Variants in HORMAD2 observed in about 807,000 individuals in gnomAD.
The protein encoded by HORMAD2 is HORMA domain-containing protein 2.
Under a neutral mutation model 38.8 loss-of-function variants are expected in HORMAD2, and 45 were observed. The ratio of observed to expected loss-of-function variants is 1.16; its 90% CI spans 0.91 to 1.49. The LOEUF (loss-of-function observed/expected upper bound fraction) is 1.49, where lower values mean the gene tolerates loss of function less well. Ranked by LOEUF, HORMAD2 falls within the 40% of genes most tolerant of loss-of-function variation. The pLI, the probability that HORMAD2 is intolerant of heterozygous loss-of-function variation, is 0.00. For missense variants in HORMAD2, 338 were observed against 367.0 expected, an observed-to-expected ratio of 0.92 and a Z score of 0.65; for synonymous variants, 126 against 122.8, an observed-to-expected ratio of 1.03 and a Z score of -0.17.
chr22:30,112,468 TA>T, intron 6 of HORMAD2, 27 bp from the exon 7 acceptor site: 1 of 1,285,304 alleles, frequency 7.8e-7, no homozygotes, highest in Non-Finnish European at 1.1e-6. Flanking sequence ...TTCCAGAAAT[TA>T]AATGATGTTT....
chr22:30,136,042 C>T lies in HORMAD2; in HGVS notation c.819+13828C>T, dbSNP rs564041742. ...TTTAAAACAGCTGTTATACCAAGTA[C>T]AATGATAGCCTATGTTTACACACAA... On this transcript the variant is annotated intron_variant, in intron 10 of 10. Coordinates refer to ENST00000336726, the MANE Select transcript of HORMAD2 (RefSeq NM_152510.4). Among the ~76,000 whole-genome samples, 7 of 152,214 alleles carry T rather than the reference C, an allele frequency of 4.6e-5. No individual in the cohort carries two copies. The South Asian group carries it at 1.4e-3, about 32-fold the overall frequency.
the HORMAD2 span, among the ~76,000 whole-genome samples, chr22:30,182,148 ACT>A: frequency 1.3e-5 from 2 of 152,186 alleles, no homozygotes; most frequent in Admixed American, 1.3e-4. Context: ...TAGCTGTATG[ACT>A]CTGTTCGACA....
chr22:30,124,829 A>G (rs754524978), intron 10 of HORMAD2, among the ~76,000 whole-genome samples: 4 of 152,166 alleles, frequency 2.6e-5, no homozygotes, highest in Non-Finnish European at 5.9e-5. Context: ...ATTTTCAACT[A>G]TATTAGGTAA....
chr22:30,140,622 G>A (rs1924008914), intron 10 of HORMAD2, among the ~76,000 whole-genome samples: 1 of 152,100 alleles, frequency 6.6e-6, no homozygotes, highest in Admixed American at 6.5e-5. Flanking sequence ...TGTAAGGTCA[G>A]CAGTAATATC....
Position 30,121,752 on chromosome 22 carries a change from T to G in HORMAD2, c.531T>G (p.Asn177Lys), listed in dbSNP as rs1227455073. The change falls in exon 9 of 11, where the codon AAT (asparagine) becomes AAG (lysine). Residue 177 changes from asparagine (N) to lysine (K), a missense_variant. Transcript: ENST00000336726. ...LMQDLEPLPN[N>K]VVLTMKLHYY... ...AGGACCTTGAGCCACTTCCTAATAATGTTGTACTTACTATGAAACTCCACT... is the reference window on the plus strand; with the variant it reads ...AGGACCTTGAGCCACTTCCTAATAAGGTTGTACTTACTATGAAACTCCACT... 1.9e-6 allele frequency: 3 copies of G among 1,612,498 alleles called. No individual in the cohort carries two copies. The highest frequency in any genetic ancestry group is 1.7e-5 in the Admixed American group (1 of 59,778).
rs1215958595 is a variant in HORMAD2 at position 30,176,427 on chromosome 22, A to G, written c.*260A>G. On this transcript the variant is annotated 3_prime_UTR_variant, in exon 11 of 11. Coordinates refer to ENST00000336726, the MANE Select transcript of HORMAD2 (RefSeq NM_152510.4). ...CTGGGTTAGAGATGAGGCACCTTTT[A>G]TATTATATTTGTAAAAGAACCACAG... 1 of 352,364 alleles carries G rather than the reference A, an allele frequency of 2.8e-6. No homozygotes were observed. The highest frequency in any genetic ancestry group is 2.1e-5 in the African/African-American group (1 of 47,182). The allele number at this position is 352,364 out of a possible 1,614,324, so 21.8% of individuals were successfully genotyped here.
At chr22:30,196,795 C>G in the HORMAD2 span, among the ~76,000 whole-genome samples, 1 of 152,114 alleles carries the variant, frequency 6.6e-6, no homozygotes, top group African/African-American at 2.4e-5. Context: ...CACCTCAAGC[C>G]CTAGCTAGGA....
intron 10 of HORMAD2, among the ~76,000 whole-genome samples, chr22:30,174,623 A>G (rs1926319631): frequency 6.6e-6 from 1 of 152,200 alleles, no homozygotes; most frequent in African/African-American, 2.4e-5. Context: ...CTATTAAACC[A>G]TCAGGTCAAC....
Position 30,145,619 on chromosome 22 carries a change from G to T in HORMAD2, c.819+23405G>T, listed in dbSNP as rs189990834. On this transcript the variant is annotated intron_variant, in intron 10 of 10. Transcript: ENST00000336726. ...TATAAAAAAATAGGTCAGTGAACTT[G>T]AAGTAGAATATAGAAGTCACTCAAA... 1.6e-3 allele frequency among the ~76,000 whole-genome samples: 247 copies of T among 152,210 alleles called. 3 individuals are homozygous for T. Among genetic ancestry groups the T allele is most frequent in the Middle Eastern group, 6.8e-3 (2 of 294 alleles).
At chr22:30,184,442 A>G in the HORMAD2 span, among the ~76,000 whole-genome samples, 2 of 152,196 alleles carry the variant, frequency 1.3e-5, no homozygotes, top group Non-Finnish European at 2.9e-5. Context: ...AGTTTTATTA[A>G]ATATAGATCA....
intron 3 of HORMAD2, among the ~76,000 whole-genome samples, chr22:30,101,257 A>G (rs1049528186): frequency 6.6e-6 from 1 of 152,212 alleles, no homozygotes; most frequent in African/African-American, 2.4e-5. Flanking sequence ...GTACCCATGA[A>G]AAATAATTAG....
chr22:30,115,691 CAATA>C (rs1921986628), intron 7 of HORMAD2, among the ~76,000 whole-genome samples: 1 of 151,990 alleles, frequency 6.6e-6, no homozygotes, highest in Non-Finnish European at 1.5e-5. Flanking sequence ...GTAGGATAAA[CAATA>C]AATAAATAAA....
chr22:30,179,225 G>A (rs1285498251), downstream of HORMAD2, among the ~76,000 whole-genome samples: 1 of 151,978 alleles, frequency 6.6e-6, no homozygotes. Flanking sequence ...TTAGAAAGAG[G>A]TCCCAAATAA....
chr22:30,194,996 T>C, the HORMAD2 span, among the ~76,000 whole-genome samples: 1 of 151,828 alleles, frequency 6.6e-6, no homozygotes, highest in South Asian at 2.1e-4. Flanking sequence ...ATCGAGACCA[T>C]CCTGGCTAAC....
chr22:30,093,134 C>T (rs2068721471), intron 1 of HORMAD2, among the ~76,000 whole-genome samples: 1 of 152,046 alleles, frequency 6.6e-6, no homozygotes, highest in Admixed American at 6.6e-5. Context: ...ATACGGGATG[C>T]CTTTCCATCT....
At chr22:30,128,388 TAAC>T in intron 10 of HORMAD2, among the ~76,000 whole-genome samples, 1 of 152,320 alleles carries the variant, frequency 6.6e-6, no homozygotes, top group South Asian at 2.1e-4. Context: ...CTTTTATACT[TAAC>T]ATTATTGATT....
At chr22:30,206,515 C>A in the HORMAD2 span, among the ~76,000 whole-genome samples, 1 of 152,004 alleles carries the variant, frequency 6.6e-6, no homozygotes, top group African/African-American at 2.4e-5. Context: ...TAGGGTCTGG[C>A]TTTGTTTTCC....
chr22:30,168,621 A>G (rs989017380), intron 10 of HORMAD2, among the ~76,000 whole-genome samples: 2 of 152,032 alleles, frequency 1.3e-5, no homozygotes, highest in Admixed American at 6.6e-5. Context: ...AATTTTTGTC[A>G]TGTTTTACTC....
chr22:30,166,690 A>G (rs1398103717), intron 10 of HORMAD2, among the ~76,000 whole-genome samples: 1 of 152,220 alleles, frequency 6.6e-6, no homozygotes. Context: ...CAAGTATAAG[A>G]CAATTTGTTT....
Sources: allele counts gnomAD v4.1 joint callset (sites outside exome capture counted in the v4.1 genomes callset), GRCh38; gene constraint gnomAD v4.1.1; transcripts MANE v1.5; gene names NCBI Gene and HGNC (gene_info 2026-07-23, HGNC 2026-07-21).